MYCT1: variants seen among roughly 807,000 people sequenced by gnomAD.
MYCT1 encodes the protein myc target protein 1.
MYCT1 carries 12 observed loss-of-function variants against 15.0 expected under a neutral mutation model. The ratio of observed to expected loss-of-function variants is 0.80; its 90% CI spans 0.51 to 1.29. The LOEUF (loss-of-function observed/expected upper bound fraction) is 1.29, where lower values mean the gene tolerates loss of function less well. MYCT1 is among the 50% of genes most tolerant of loss of function. The pLI is 0.00. For missense variants in MYCT1, 287 were observed against 279.1 expected (o/e 1.03, Z -0.20); for synonymous variants, 104 against 102.7 (o/e 1.01, Z -0.07).
intron 1 of MYCT1, among the ~76,000 whole-genome samples, chr6:152,719,648 C>A: frequency 6.6e-6 from 1 of 152,288 alleles, no homozygotes. Context: ...ATAAATGTAG[C>A]TTTTCCACAG....
intron 1 of MYCT1, among the ~76,000 whole-genome samples, chr6:152,700,429 A>T (rs2099721113): frequency 6.6e-6 from 1 of 151,994 alleles, no homozygotes; most frequent in South Asian, 2.1e-4. Context: ...TCCCAATATA[A>T]CTTTTCTGGT....
In MYCT1 at chr6:152,724,031, A is replaced by G. The variant is rs910276233; in HGVS notation, c.*1778A>G. ...TATCCATCATTCCTTAAGGACAATT[A>G]TTCTTAATAATGCTTATAGAAAATG... On this transcript the variant is annotated 3_prime_UTR_variant, in exon 2 of 2. Coordinates refer to ENST00000367245, the MANE Select transcript of MYCT1 (RefSeq NM_025107.3). 2 of 152,160 alleles carry G rather than the reference A, an allele frequency of 1.3e-5. No homozygotes were observed. Among genetic ancestry groups the G allele is most frequent in the African/African-American group, 4.8e-5 (2 of 41,430 alleles). The allele number at this position is 152,160 out of a possible 1,614,324, so 9.4% of individuals were successfully genotyped here. A position where few individuals can be genotyped will look rare whatever the true frequency, so the allele number is the denominator to read the frequency against.
rs536245697 is a variant in MYCT1, at chr6:152,724,247, T to A, written c.*1994T>A. 1 of 151,862 alleles carries A rather than the reference T, an allele frequency of 6.6e-6. No homozygotes were observed. Among genetic ancestry groups the A allele is most frequent in the Non-Finnish European group, 1.5e-5 (1 of 67,944 alleles). 9.4% of individuals were successfully genotyped at this position (151,862 alleles called of 1,614,324 possible). ...TATCAGGGCTACTTTTTTTTTTTTT[T>A]TTTTACTTGCATGTCATCCTTAATG... On this transcript the variant is annotated 3_prime_UTR_variant, in exon 2 of 2. Transcript: ENST00000367245.
chr6:152,723,073 G>A lies in MYCT1; in HGVS notation c.*820G>A, dbSNP rs1297907493. The stretch of plus-strand genomic sequence containing the variant: ...TGTGGGCACAAAATGACAGAACATA[G>A]GACATTCTAAAGTTCCTTGATTTGA... On this transcript the variant is annotated 3_prime_UTR_variant, in exon 2 of 2. Transcript: ENST00000367245. 1 of 153,500 alleles carries A rather than the reference G, an allele frequency of 6.5e-6. No individual in the cohort carries two copies. The highest frequency in any genetic ancestry group is 1.5e-5 in the Non-Finnish European group (1 of 68,900). 9.5% of individuals were successfully genotyped at this position (153,500 alleles called of 1,614,324 possible).
At chr6:152,707,398 G>A (rs1046386540) in intron 1 of MYCT1, among the ~76,000 whole-genome samples, 1 of 151,918 alleles carries the variant, frequency 6.6e-6, no homozygotes, top group African/African-American at 2.4e-5. Flanking sequence ...ATATACTTTA[G>A]ATGTTAACTT....
At chr6:152,744,162 G>A in the MYCT1 span, among the ~76,000 whole-genome samples, 1 of 152,116 alleles carries the variant, frequency 6.6e-6, no homozygotes, top group South Asian at 2.1e-4. Context: ...TTCCTGGAGG[G>A]GACTCGAGGA....
intron 1 of MYCT1, chr6:152,705,789 A>G: frequency 1.7e-6 from 1 of 592,892 alleles, no homozygotes; most frequent in Non-Finnish European, 3.0e-6. Context: ...CTGAGATAAA[A>G]AAACTGGTAT....
chr6:152,733,340 C>G, the MYCT1 span, among the ~76,000 whole-genome samples: 1 of 151,892 alleles, frequency 6.6e-6, no homozygotes, highest in Non-Finnish European at 1.5e-5. Flanking sequence ...TGAGCTCAAG[C>G]AATCTGCCTG....
At chr6:152,712,784 A>T (rs1050986941) in intron 1 of MYCT1, among the ~76,000 whole-genome samples, 9 of 152,106 alleles carry the variant, frequency 5.9e-5, no homozygotes, top group African/African-American at 2.2e-4. Flanking sequence ...GTATTTAAAT[A>T]ATTGTCTTTT....
rs1228429478 is a variant in MYCT1 at position 152,723,558 on chromosome 6, G to A, written c.*1305G>A. The A allele has an allele frequency of 6.6e-6, 1 of 152,180 alleles. No individual in the cohort carries two copies. The highest frequency in any genetic ancestry group is 2.4e-5 in the African/African-American group (1 of 41,424). 9.4% of individuals were successfully genotyped at this position (152,180 alleles called of 1,614,324 possible). ...TCCTGGATTGACTCTTAATCATCAG[G>A]CATCATTCCTGGTTTGCTTCTCTAC... On this transcript the variant is annotated 3_prime_UTR_variant, in exon 2 of 2. Transcript: ENST00000367245.
intron 1 of MYCT1, among the ~76,000 whole-genome samples, chr6:152,713,037 C>T (rs1453214863): frequency 1.3e-5 from 2 of 152,036 alleles, no homozygotes. Flanking sequence ...TATAATTGCA[C>T]ATTTGTTAAA....
chr6:152,735,135 G>T, the MYCT1 span, among the ~76,000 whole-genome samples: 1 of 152,162 alleles, frequency 6.6e-6, no homozygotes, highest in Non-Finnish European at 1.5e-5. Flanking sequence ...ACAAAGAAGG[G>T]TGTAAATTAT....
chr6:152,705,727 A>AT (rs2099722147), intron 1 of MYCT1: 1 of 250,828 alleles, frequency 4.0e-6, no homozygotes, highest in East Asian at 7.0e-5. Flanking sequence ...TTATTATAAA[A>AT]TTTTCCCCTT....
the MYCT1 span, among the ~76,000 whole-genome samples, chr6:152,742,681 C>G: frequency 6.6e-6 from 1 of 152,102 alleles, no homozygotes; most frequent in Non-Finnish European, 1.5e-5. Context: ...GGAGGCCGGG[C>G]CTTCTTTAGT....
Position 152,697,906 on chromosome 6 carries a change from C to G in MYCT1, c.4C>G (p.Arg2Gly). 2 of 1,554,890 alleles carry G rather than the reference C, an allele frequency of 1.3e-6. No individual in the cohort carries two copies. Among genetic ancestry groups the G allele is most frequent in the Non-Finnish European group, 1.7e-6 (2 of 1,156,228 alleles). MRTQVYEGLCKN... is the reference protein window; with the variant it reads MGTQVYEGLCKN... ...CATGATACACTTATTTCCTTTTATG[C>G]GAACACAAGTATATGAGGGGTTGTG... Residue 2 changes from arginine to glycine, a missense_variant, in exon 1 of 2, where the codon CGA becomes GGA. By Grantham distance (125) the Arg-to-Gly change is moderately radical. Coordinates refer to ENST00000367245, the MANE Select transcript of MYCT1 (RefSeq NM_025107.3).
intron 1 of MYCT1, among the ~76,000 whole-genome samples, chr6:152,707,568 T>A (rs543105423): frequency 2.7e-4 from 41 of 152,146 alleles, no homozygotes; most frequent in Non-Finnish European, 4.9e-4. Flanking sequence ...AAAATATAAT[T>A]GCCCAGATCA....
At chr6:152,728,214 G>A (rs572151757), downstream of MYCT1, among the ~76,000 whole-genome samples, 123 of 151,804 alleles carry the variant, frequency 8.1e-4, 3 homozygotes, top group African/African-American at 2.9e-3. Flanking sequence ...CCTCTGCTTA[G>A]CTAAAATAGA....
intron 1 of MYCT1, among the ~76,000 whole-genome samples, chr6:152,708,515 A>G (rs1344301246): frequency 6.6e-6 from 1 of 152,036 alleles, no homozygotes; most frequent in Non-Finnish European, 1.5e-5. Flanking sequence ...CCTGTCTCTA[A>G]AATCTCTTAA....
downstream of MYCT1, among the ~76,000 whole-genome samples, chr6:152,725,351 A>T (rs1196609921): frequency 1.3e-5 from 2 of 152,242 alleles, no homozygotes; most frequent in Non-Finnish European, 2.9e-5. Context: ...AAATTAATTG[A>T]TTTACAAGTT....
Sources: allele counts gnomAD v4.1 joint callset (sites outside exome capture counted in the v4.1 genomes callset), GRCh38; gene constraint gnomAD v4.1.1; transcripts MANE v1.5; gene names NCBI Gene and HGNC (gene_info 2026-07-23, HGNC 2026-07-21).